Variants in ZC3H12D observed in about 807,000 individuals in gnomAD.
The protein encoded by ZC3H12D is probable ribonuclease ZC3H12D.
Under a neutral mutation model 24.2 loss-of-function variants are expected in ZC3H12D, and 11 were observed. That is an observed-to-expected ratio of 0.46 (90% confidence interval 0.29 to 0.75). ZC3H12D has a LOEUF of 0.75. Ranked by LOEUF, ZC3H12D falls within the 30% of genes least tolerant of loss-of-function variation. ZC3H12D has a pLI of 0.11. For missense variants in ZC3H12D, 740 were observed against 767.7 expected, an observed-to-expected ratio of 0.96 and a Z score of 0.43; for synonymous variants, 333 against 341.8, an observed-to-expected ratio of 0.97 and a Z score of 0.28.
Position 149,450,675 on chromosome 6 carries a change from T to G in ZC3H12D, c.*8A>C, listed in dbSNP as rs527633563. ...CTGGGCCATTCCCTGCAAGTGCGTGTTGGTCCCTTAGGGCTTGCCCAGGGG... is the reference window on the plus strand; with the variant it reads ...CTGGGCCATTCCCTGCAAGTGCGTGGTGGTCCCTTAGGGCTTGCCCAGGGG... On this transcript the variant is annotated 3_prime_UTR_variant, in exon 6 of 6. Transcript: ENST00000409806. The G allele has an allele frequency of 4.2e-5, 64 of 1,512,434 alleles. No individual in the cohort carries two copies. Among genetic ancestry groups the G allele is most frequent in the Non-Finnish European group, 5.4e-5 (61 of 1,127,054 alleles). The allele number at this position is 1,512,434 out of a possible 1,614,324, so 93.7% of individuals were successfully genotyped here.
intron 1 of ZC3H12D, among the ~76,000 whole-genome samples, chr6:149,476,400 A>T (rs1182796379): frequency 6.6e-6 from 1 of 152,120 alleles, no homozygotes; most frequent in Non-Finnish European, 1.5e-5. Flanking sequence ...GCTACTTGGG[A>T]GGCTGAGGCA....
intron 2 of ZC3H12D, among the ~76,000 whole-genome samples, chr6:149,464,855 G>A (rs1201018256): frequency 6.6e-6 from 1 of 152,182 alleles, no homozygotes; most frequent in African/African-American, 2.4e-5. Context: ...CACGAGGAAT[G>A]AGCCCGGGCA....
intron 2 of ZC3H12D, among the ~76,000 whole-genome samples, chr6:149,465,645 C>T (rs1776146206): frequency 6.6e-6 from 1 of 151,730 alleles, no homozygotes; most frequent in South Asian, 2.1e-4. Flanking sequence ...GTTCCAGCTA[C>T]TCGGGAGGCT....
intron 2 of ZC3H12D, 108 bp downstream of exon 2, chr6:149,474,131 G>A (rs959948013): frequency 3.2e-5 from 31 of 979,478 alleles, no homozygotes; most frequent in Middle Eastern, 3.4e-4. Context: ...AGCCTGATCC[G>A]TTGGCCCCAA....
At chr6:149,460,158 G>C (rs191209040) in intron 3 of ZC3H12D, among the ~76,000 whole-genome samples, 1 of 152,314 alleles carries the variant, frequency 6.6e-6, no homozygotes, top group Admixed American at 6.5e-5. Context: ...ATAATAAAGA[G>C]CTTTGCAGCT....
At chr6:149,463,221 C>G (rs544972382) in intron 2 of ZC3H12D, among the ~76,000 whole-genome samples, 3 of 152,146 alleles carry the variant, frequency 2.0e-5, no homozygotes, top group Non-Finnish European at 4.4e-5. Context: ...TTCCCAAGTC[C>G]AAGCAAGGAG....
chr6:149,460,442 T>C (rs1270481321), intron 3 of ZC3H12D, among the ~76,000 whole-genome samples: 1 of 152,212 alleles, frequency 6.6e-6, no homozygotes, highest in Non-Finnish European at 1.5e-5. Context: ...ATGCCAGTAA[T>C]CCTAGCACTT....
chr6:149,480,590 G>C (rs1012924252), intron 1 of ZC3H12D, among the ~76,000 whole-genome samples: 2 of 152,148 alleles, frequency 1.3e-5, no homozygotes, highest in East Asian at 3.9e-4. Context: ...CATAGAATTA[G>C]CCGGGCGTGG....
chr6:149,460,937 C>T (rs531046773), intron 3 of ZC3H12D, among the ~76,000 whole-genome samples: 1 of 152,142 alleles, frequency 6.6e-6, no homozygotes, highest in African/African-American at 2.4e-5. Flanking sequence ...CAGGGGAGAG[C>T]AAGTCTGCAA....
chr6:149,451,519 C>G lies in ZC3H12D; in HGVS notation c.788-40G>C, dbSNP rs768499465. The G allele has an allele frequency of 5.2e-5, 78 of 1,506,626 alleles. No homozygotes were observed. In the Middle Eastern group the frequency reaches 1.2e-3, roughly 23 times the overall value. 93.3% of individuals were successfully genotyped at this position (1,506,626 alleles called of 1,614,324 possible). A position where few individuals can be genotyped will look rare whatever the true frequency, so the allele number is the denominator to read the frequency against. Reference sequence around the variant, plus strand: ...GGCAGAGAGGGCGCGACGTGAGGCCCGGGGGCGCGGAGGGGCGGTGGTTCC... The same window carrying G: ...GGCAGAGAGGGCGCGACGTGAGGCCGGGGGGCGCGGAGGGGCGGTGGTTCC... On this transcript the variant is annotated intron_variant, in intron 5 of 5. Transcript: ENST00000409806.
chr6:149,480,629 A>T (rs970416981), intron 1 of ZC3H12D, among the ~76,000 whole-genome samples: 1 of 152,210 alleles, frequency 6.6e-6, no homozygotes, highest in Admixed American at 6.5e-5. Context: ...CCAGCTACTC[A>T]GGAGACTGAG....
In ZC3H12D at chr6:149,465,742, G is replaced by A. The variant is rs192886461; in HGVS notation, c.306-3772C>T. On this transcript the variant is annotated intron_variant, in intron 2 of 5. Transcript: ENST00000409806. ...TGCACTCCAGCCTGGGCGACAGAGCGAGACGCCATCTCAAAAAAAAAAAAG... is the reference window on the plus strand; with the variant it reads ...TGCACTCCAGCCTGGGCGACAGAGCAAGACGCCATCTCAAAAAAAAAAAAG... Among the ~76,000 whole-genome samples the A allele has an allele frequency of 4.0e-3, 567 of 140,698 alleles. 10 individuals are homozygous for A. The highest frequency in any genetic ancestry group is 0.014 in the African/African-American group (509 of 35,404). 92.3% of individuals were successfully genotyped at this position (140,698 alleles called of 152,430 possible).
intron 2 of ZC3H12D, among the ~76,000 whole-genome samples, chr6:149,472,905 A>G (rs1776268399): frequency 6.6e-6 from 1 of 152,108 alleles, no homozygotes; most frequent in South Asian, 2.1e-4. Flanking sequence ...AACCCCTTCT[A>G]GTCTTTCTAG....
chr6:149,477,657 G>A (rs1011939117), intron 1 of ZC3H12D, among the ~76,000 whole-genome samples: 1 of 151,906 alleles, frequency 6.6e-6, no homozygotes, highest in Non-Finnish European at 1.5e-5. Context: ...TATTCCGATG[G>A]GCCCCACAGC....
chr6:149,477,653 G>A (rs889049798), intron 1 of ZC3H12D, among the ~76,000 whole-genome samples: 3 of 151,944 alleles, frequency 2.0e-5, no homozygotes, highest in South Asian at 2.1e-4. Flanking sequence ...CCTATATTCC[G>A]ATGGGCCCCA....
rs935366892 is a variant in ZC3H12D, at chr6:149,456,963, C to A, written c.446-63G>T. On this transcript the variant is annotated intron_variant, in intron 3 of 5. Transcript: ENST00000409806. The surrounding 1 kb of genome is among the most constrained non-coding windows in gnomAD (Gnocchi z 4.3). Reference sequence around the variant, plus strand: ...AGGGCACCGCCCCTGAGAACCACCCCCAACGCGAGGCCACCCGCTTCCCGG... The same window carrying A: ...AGGGCACCGCCCCTGAGAACCACCCACAACGCGAGGCCACCCGCTTCCCGG... 52 of 1,504,624 alleles carry A rather than the reference C, an allele frequency of 3.5e-5. 1 individual carries two copies. Among genetic ancestry groups the A allele is most frequent in the South Asian group, 1.2e-5 (1 of 84,666 alleles). The allele number at this position is 1,504,624 out of a possible 1,614,324, so 93.2% of individuals were successfully genotyped here.
chr6:149,477,943 C>T (rs1562478384), intron 1 of ZC3H12D, among the ~76,000 whole-genome samples: 1 of 151,774 alleles, frequency 6.6e-6, no homozygotes, highest in South Asian at 2.1e-4. Context: ...CTGAGGCGGG[C>T]GGATCACGAG....
In ZC3H12D at chr6:149,474,464, A is replaced by C; in HGVS notation, c.80T>G (p.Leu27Arg). 2 of 1,594,278 alleles carry C rather than the reference A, an allele frequency of 1.3e-6. No individual in the cohort carries two copies. Among genetic ancestry groups the C allele is most frequent in the Non-Finnish European group, 1.7e-6 (2 of 1,166,026 alleles). Residue 27 changes from leucine to arginine, a missense_variant, in exon 2 of 6, where the codon CTG becomes CGG. Leu to Arg is a moderately radical substitution (Grantham distance 102, BLOSUM62 -2). Coordinates refer to ENST00000409806, the MANE Select transcript of ZC3H12D (RefSeq NM_207360.3). ...REDVLRVLGKLGEGALVNDVL... is the reference protein window; with the variant it reads ...REDVLRVLGKRGEGALVNDVL... ...GTCGTTGACCAGGGCGCCCTCGCCC[A>C]GCTTGCCCAACACCCGGAGCACATC...
chr6:149,477,292 C>G lies in ZC3H12D; in HGVS notation c.-70-2679G>C, dbSNP rs1776357078. Among the ~76,000 whole-genome samples, 3 of 152,250 alleles carry G rather than the reference C, an allele frequency of 2.0e-5. No homozygotes were observed. The South Asian group carries it at 6.2e-4, about 31-fold the overall frequency. ...GGCATTTCACAGCCAGCCCCCTGGA[C>G]AGAGAGGCCTCTGCCACGGCGTCCA... On this transcript the variant is annotated intron_variant, in intron 1 of 5. Coordinates refer to ENST00000409806, the MANE Select transcript of ZC3H12D (RefSeq NM_207360.3).
Sources: gnomAD v4.1 joint callset for allele counts (sites outside exome capture counted in the v4.1 genomes callset) on GRCh38, gnomAD v4.1.1 for gene constraint, Gnocchi (gnomAD v3.1) non-coding constraint, MANE v1.5 for transcripts, NCBI Gene and HGNC (gene_info 2026-07-23, HGNC 2026-07-21) for gene names.